The following ZNF469 variants were observed in gnomAD, a reference collection of about 807,000 sequenced individuals.
The protein encoded by ZNF469 is zinc finger protein 469.
A neutral mutation model predicts 1.0 loss-of-function variants in ZNF469; 1 was observed. That is an observed-to-expected ratio of 1.00 (90% CI 0.35 to 4.73). The LOEUF (loss-of-function observed/expected upper bound fraction) is 4.73, where lower values mean the gene tolerates loss of function less well. Among genes scored for constraint, ZNF469 ranks in the 30% most tolerant of loss-of-function variants. ZNF469 has a pLI of 0.16. For synonymous variants in ZNF469, 2,703 were observed against 2,363.4 expected, an observed-to-expected ratio of 1.14 and a Z score of -4.17; for missense variants, 6,100 against 5,356.3, an observed-to-expected ratio of 1.14 and a Z score of -4.33.
intron 1 of ZNF469, among the ~76,000 whole-genome samples, chr16:88,423,209 AGATG>A (rs1263606513): frequency 4.2e-5 from 4 of 96,028 alleles, no homozygotes; most frequent in South Asian, 4.4e-4. Flanking sequence ...ATGGGTGGGT[AGATG>A]GATGGATGGA....
chr16:88,310,493 C>T, the ZNF469 span, among the ~76,000 whole-genome samples: 1 of 152,180 alleles, frequency 6.6e-6, no homozygotes, highest in Non-Finnish European at 1.5e-5. Flanking sequence ...GATAGCTGCA[C>T]TTCCCCCTTT....
chr16:88,222,745 G>A, the ZNF469 span, among the ~76,000 whole-genome samples: 7 of 146,520 alleles, frequency 4.8e-5, no homozygotes, highest in Non-Finnish European at 7.6e-5. Flanking sequence ...CAACAAGAGC[G>A]AGACTCCATC....
chr16:88,345,169 T>G, the ZNF469 span, among the ~76,000 whole-genome samples: 1 of 152,140 alleles, frequency 6.6e-6, no homozygotes, highest in African/African-American at 2.4e-5. Context: ...GCCAGCCCCC[T>G]CCCGGGCACC....
At chr16:88,216,388 G>T in the ZNF469 span, among the ~76,000 whole-genome samples, 1 of 151,990 alleles carries the variant, frequency 6.6e-6, no homozygotes, top group Non-Finnish European at 1.5e-5. Flanking sequence ...CAGCTACTTG[G>T]GAGGCTGAGG....
chr16:88,294,841 G>T, the ZNF469 span: 1 of 152,564 alleles, frequency 6.6e-6, no homozygotes, highest in Non-Finnish European at 1.5e-5. Flanking sequence ...GAGTTTTTAG[G>T]GTAAATGCCA....
chr16:88,290,252 G>C, the ZNF469 span, among the ~76,000 whole-genome samples: 1 of 152,254 alleles, frequency 6.6e-6, no homozygotes, highest in Non-Finnish European at 1.5e-5. Context: ...TGGACTTTCA[G>C]ATGAAAGGCA....
At chr16:88,223,873 G>A in the ZNF469 span, among the ~76,000 whole-genome samples, 2 of 152,226 alleles carry the variant, frequency 1.3e-5, no homozygotes, top group Non-Finnish European at 2.9e-5. Context: ...GGCCTCGCCT[G>A]TCTTACTGTG....
the ZNF469 span, among the ~76,000 whole-genome samples, chr16:88,172,226 C>T: frequency 1.3e-5 from 2 of 152,176 alleles, no homozygotes; most frequent in Admixed American, 6.5e-5. Flanking sequence ...TTTGGCTAAG[C>T]GTTGATCTGT....
At chr16:88,183,071 G>C in the ZNF469 span, among the ~76,000 whole-genome samples, 1 of 152,148 alleles carries the variant, frequency 6.6e-6, no homozygotes, top group Non-Finnish European at 1.5e-5. Context: ...CTAAAAAGTA[G>C]GTAAAAGATT....
At chr16:88,159,473 G>A in the ZNF469 span, among the ~76,000 whole-genome samples, 2 of 152,156 alleles carry the variant, frequency 1.3e-5, no homozygotes, top group African/African-American at 4.8e-5. Flanking sequence ...TGTCCATGTG[G>A]TGCACGGAAG....
the ZNF469 span, among the ~76,000 whole-genome samples, chr16:88,194,113 C>A: frequency 2.0e-5 from 3 of 152,160 alleles, no homozygotes; most frequent in Non-Finnish European, 4.4e-5. Flanking sequence ...TTGGTTTATT[C>A]CCCCCTCCGC....
chr16:88,382,379 C>T (rs1023007622), upstream of ZNF469, among the ~76,000 whole-genome samples: 8 of 152,350 alleles, frequency 5.3e-5, no homozygotes, highest in South Asian at 2.1e-4. Flanking sequence ...GCTCCTAGCG[C>T]CCCACCAGCA....
At chr16:88,180,874 G>T in the ZNF469 span, among the ~76,000 whole-genome samples, 1 of 152,156 alleles carries the variant, frequency 6.6e-6, no homozygotes, top group Non-Finnish European at 1.5e-5. Context: ...AAAACACATG[G>T]ATCACAAAGT....
In ZNF469 at chr16:88,436,901, C is replaced by G. The variant is rs559258806; in HGVS notation, c.9431C>G (p.Thr3144Ser). ...GCCCACACGCCCGCGCCGCCGCCCACCTGCTACATGTGCGTGGAGCGCAGG... is the reference window on the plus strand; with the variant it reads ...GCCCACACGCCCGCGCCGCCGCCCAGCTGCTACATGTGCGTGGAGCGCAGG... ...KLAHTPAPPP[T>S]CYMCVERRFG... Residue 3144 changes from threonine to serine, a missense_variant, in exon 3 of 3, where the codon ACC becomes AGC. Coordinates refer to ENST00000565624, the MANE Select transcript of ZNF469 (RefSeq NM_001367624.2). 1.3e-6 allele frequency: 2 copies of G among 1,503,218 alleles called. No homozygotes were observed. Among genetic ancestry groups the G allele is most frequent in the Non-Finnish European group, 8.9e-7 (1 of 1,128,336 alleles). The allele number at this position is 1,503,218 out of a possible 1,614,324, so 93.1% of individuals were successfully genotyped here.
At chr16:88,330,524 G>A in the ZNF469 span, among the ~76,000 whole-genome samples, 2 of 152,232 alleles carry the variant, frequency 1.3e-5, no homozygotes, top group South Asian at 4.1e-4. Flanking sequence ...ATGACGTGTT[G>A]TGGTTTTCCT....
the ZNF469 span, among the ~76,000 whole-genome samples, chr16:88,202,148 G>A: frequency 7.2e-5 from 11 of 152,182 alleles, no homozygotes; most frequent in Non-Finnish European, 1.0e-4. Flanking sequence ...GCATGGACAC[G>A]GCACCTGCGA....
chr16:88,198,288 T>C, the ZNF469 span, among the ~76,000 whole-genome samples: 1 of 151,956 alleles, frequency 6.6e-6, no homozygotes, highest in African/African-American at 2.4e-5. Flanking sequence ...GATGTGGAGG[T>C]CAGGGACGTC....
chr16:88,117,495 T>A, the ZNF469 span, among the ~76,000 whole-genome samples: 1 of 152,076 alleles, frequency 6.6e-6, no homozygotes. Context: ...AGCCACTGAC[T>A]GCCTAGAAGA....
At chr16:88,212,784 A>T in the ZNF469 span, among the ~76,000 whole-genome samples, 1 of 152,088 alleles carries the variant, frequency 6.6e-6, no homozygotes, top group African/African-American at 2.4e-5. Flanking sequence ...GGGTTTTGCC[A>T]TGTGGCCCAG....
Sources: gnomAD v4.1 joint callset for allele counts (sites outside exome capture counted in the v4.1 genomes callset) on GRCh38, gnomAD v4.1.1 for gene constraint, MANE v1.5 for transcripts, NCBI Gene and HGNC (gene_info 2026-07-23, HGNC 2026-07-21) for gene names.